RGS3: variants seen among roughly 807,000 people sequenced by gnomAD.
RGS3 encodes the protein regulator of G protein signaling 3.
Under a neutral mutation model 132.6 loss-of-function variants are expected in RGS3, and 80 were observed. The observed-to-expected ratio is 0.60, with a 90% CI of 0.50 to 0.73. The LOEUF (loss-of-function observed/expected upper bound fraction) is 0.73. Ranked by LOEUF, RGS3 falls within the 30% of genes least tolerant of loss-of-function variation. RGS3 has a pLI of 0.00. For synonymous variants in RGS3, 598 were observed against 620.6 expected (o/e 0.96, Z 0.54); for missense variants, 1,382 against 1,530.8 (o/e 0.90, Z 1.62).
intron 18 of RGS3, 27 bp from the exon 17 acceptor site, chr9:113,536,769 C>A: frequency 6.2e-7 from 1 of 1,610,620 alleles, no homozygotes; most frequent in South Asian, 1.1e-5. Context: ...CCCTGACCGT[C>A]CGTTTCTCTA....
chr9:113,463,184 A>C lies in RGS3; in HGVS notation c.415+983A>C, dbSNP rs1463258894. Among the ~76,000 whole-genome samples, 1 of 152,206 alleles carries C rather than the reference A, an allele frequency of 6.6e-6. No individual in the cohort carries two copies. The stretch of plus-strand genomic sequence containing the variant: ...AGCTGCTCCCATCCGGACCTGTGTC[A>C]GGCAGCACTTGTTCAAGAGGAGGCT... On this transcript the variant is annotated intron_variant, in intron 3 of 24. Coordinates refer to ENST00000350696, the Ensembl canonical transcript of RGS3. This position sits in a 1 kb window ranked among gnomAD's most constrained non-coding sequence, Gnocchi z 4.6.
At chr9:113,467,065 G>T (rs1588135598) in intron 3 of RGS3, among the ~76,000 whole-genome samples, 1 of 151,786 alleles carries the variant, frequency 6.6e-6, no homozygotes, top group Admixed American at 6.6e-5. Context: ...TCATTTTTAT[G>T]GCTGAGTAGT....
intron 10 of RGS3, among the ~76,000 whole-genome samples, chr9:113,499,566 A>G (rs1199180917): frequency 6.6e-6 from 1 of 152,260 alleles, no homozygotes. Context: ...ACAATCTACC[A>G]AACATTTTCA....
chr9:113,522,707 G>A, intron 16 of RGS3: 1 of 554,470 alleles, frequency 1.8e-6, no homozygotes. Context: ...CTACTTTGAG[G>A]AGTGGAAGTA....
rs1174419921 is a variant in RGS3 at position 113,565,859 on chromosome 9, C to G, written c.2038-17591C>G. ...ATGTTGCAACCAAACCATTTGTGCTCTGTTCTGAGATAGCTCTGTGTGTGT... is the reference window on the plus strand; with the variant it reads ...ATGTTGCAACCAAACCATTTGTGCTGTGTTCTGAGATAGCTCTGTGTGTGT... On this transcript the variant is annotated intron_variant, in intron 19 of 24. Transcript: ENST00000350696. The surrounding 1 kb of genome is among the most constrained non-coding windows in gnomAD (Gnocchi z 5.7). The G allele has an allele frequency of 1.1e-5, 2 of 185,338 alleles. No individual in the cohort carries two copies. Among genetic ancestry groups the G allele is most frequent in the African/African-American group, 4.8e-5 (2 of 41,424 alleles). The allele number at this position is 185,338 out of a possible 1,614,324, so 11.5% of individuals were successfully genotyped here. A position where few individuals can be genotyped will look rare whatever the true frequency, so the allele number is the denominator to read the frequency against.
chr9:113,501,389 C>A, intron 10 of RGS3: 1 of 1,402,288 alleles, frequency 7.1e-7, no homozygotes. Flanking sequence ...AGGAAGCCTT[C>A]GGGCTTATCG....
At chr9:113,451,727 C>A (rs1829250364) in intron 1 of RGS3, among the ~76,000 whole-genome samples, 1 of 150,946 alleles carries the variant, frequency 6.6e-6, no homozygotes, top group Non-Finnish European at 1.5e-5. Flanking sequence ...TTATACTGTT[C>A]TTTTAAACAG....
At chr9:113,480,039 G>A (rs941469971) in intron 4 of RGS3, among the ~76,000 whole-genome samples, 3 of 152,178 alleles carry the variant, frequency 2.0e-5, no homozygotes, top group African/African-American at 7.2e-5. Context: ...TTTCTCATCT[G>A]TCAAGTAGTG....
intron 19 of RGS3, among the ~76,000 whole-genome samples, chr9:113,543,659 G>A (rs1588228156): frequency 1.3e-5 from 2 of 152,208 alleles, no homozygotes; most frequent in East Asian, 3.9e-4. Flanking sequence ...AAGGCAGCAA[G>A]CTCATCTCTC....
intron 19 of RGS3, among the ~76,000 whole-genome samples, chr9:113,577,338 T>A (rs1834579070): frequency 6.6e-6 from 1 of 152,078 alleles, no homozygotes; most frequent in African/African-American, 2.4e-5. Flanking sequence ...GTACAGAGAG[T>A]TCCAATATAC....
intron 16 of RGS3, among the ~76,000 whole-genome samples, chr9:113,519,709 G>T (rs1831845940): frequency 6.6e-6 from 1 of 150,608 alleles, no homozygotes; most frequent in East Asian, 2.0e-4. Flanking sequence ...GGGCTAAATT[G>T]TAGAGCATTC....
In RGS3 at chr9:113,536,800, C is replaced by T. The variant is rs1297830829; in HGVS notation, c.1919C>T (p.Ala640Val). ...CTCTATTTTCCCTGACGTCAGAAGG[C>T]AGAGTGCTTATTCACTTTGGAAGCG... The change falls in exon 19 of 25, where the codon GCA (alanine) becomes GTA (valine). Residue 640 changes from alanine (A) to valine (V), a missense_variant. Physicochemically the swap from Ala to Val is moderately conservative, Grantham distance 64. Coordinates refer to ENST00000350696, the Ensembl canonical transcript of RGS3. The T allele has an allele frequency of 1.9e-5, 30 of 1,613,564 alleles. No individual in the cohort carries two copies. Among genetic ancestry groups the T allele is most frequent in the Non-Finnish European group, 2.4e-5 (28 of 1,179,622 alleles).
intron 19 of RGS3, among the ~76,000 whole-genome samples, chr9:113,573,342 A>G (rs1009446631): frequency 1.3e-5 from 2 of 152,092 alleles, no homozygotes; most frequent in African/African-American, 4.8e-5. Context: ...CCTGGTGCCC[A>G]CTCATGAGAG....
intron 5 of RGS3, among the ~76,000 whole-genome samples, chr9:113,483,727 T>C (rs1344530235): frequency 6.6e-6 from 1 of 152,134 alleles, no homozygotes; most frequent in Non-Finnish European, 1.5e-5. Context: ...CAGCCCTGGG[T>C]TGAGAACATG....
chr9:113,595,863 C>A, intron 24 of RGS3, 98 bp downstream of exon 22: 2 of 1,319,666 alleles, frequency 1.5e-6, no homozygotes, highest in Non-Finnish European at 1.1e-6. Context: ...AGGGGAGAGG[C>A]CAGAATGACT....
exon 25 of RGS3, chr9:113,597,543 C>G (rs117672241): frequency 1.3e-5 from 2 of 152,758 alleles, no homozygotes; most frequent in African/African-American, 4.8e-5. Flanking sequence ...ATGCTCGTCC[C>G]GGGCACCGGT....
intron 19 of RGS3, among the ~76,000 whole-genome samples, chr9:113,539,881 A>G (rs1490324810): frequency 1.3e-5 from 2 of 152,208 alleles, no homozygotes; most frequent in Admixed American, 1.3e-4. Context: ...CTTAAAGAAC[A>G]GTTGGGAGGT....
chr9:113,592,250 A>G (rs1393079109), intron 21 of RGS3: 1 of 152,286 alleles, frequency 6.6e-6, no homozygotes, highest in Non-Finnish European at 1.5e-5. Context: ...TCCACAGCCA[A>G]TTGCATTTTC....
intron 14 of RGS3, among the ~76,000 whole-genome samples, chr9:113,511,822 A>G (rs1186642253): frequency 6.6e-6 from 1 of 151,968 alleles, no homozygotes; most frequent in Non-Finnish European, 1.5e-5. Context: ...TCAGTCCTGC[A>G]TGGTTTTGCC....
Sources: allele counts gnomAD v4.1 joint callset (sites outside exome capture counted in the v4.1 genomes callset), GRCh38; gene constraint gnomAD v4.1.1; non-coding constraint Gnocchi (gnomAD v3.1); transcripts MANE v1.5; gene names NCBI Gene and HGNC (gene_info 2026-07-23, HGNC 2026-07-21).